The following TTBK1 variants were observed in gnomAD, a reference collection of about 807,000 sequenced individuals.
TTBK1 encodes the protein tau-tubulin kinase 1.
A neutral mutation model predicts 108.5 loss-of-function variants in TTBK1; 34 were observed. The ratio of observed to expected loss-of-function variants is 0.31; its 90% CI spans 0.24 to 0.42. TTBK1 has a LOEUF of 0.42. Ranked by LOEUF, TTBK1 falls within the 10% of genes least tolerant of loss-of-function variation. The pLI is 1.00. For synonymous variants in TTBK1, 809 were observed against 795.1 expected, an observed-to-expected ratio of 1.02 and a Z score of -0.29; for missense variants, 1,539 against 1,826.0, an observed-to-expected ratio of 0.84 and a Z score of 2.86.
In TTBK1 at chr6:43,254,544, C is replaced by G; in HGVS notation, c.472-3C>G. The G allele has an allele frequency of 1.3e-6, 2 of 1,569,626 alleles. No individual in the cohort carries two copies. The highest frequency in any genetic ancestry group is 1.7e-6 in the Non-Finnish European group (2 of 1,161,176). On this transcript the variant is annotated splice_polypyrimidine_tract_variant and splice_region_variant and intron_variant, in intron 5 of 14. Transcript: ENST00000259750. ...CAGAGCTCACAGCTGCTGTCTCCCC[C>G]AGTCAAACTTTGCCATGGGCAGGCT...
rs1778381621 is a variant in TTBK1, at chr6:43,286,315, C to G, written c.*939C>G. The G allele has an allele frequency of 6.5e-6, 1 of 152,696 alleles. No individual in the cohort carries two copies. The highest frequency in any genetic ancestry group is 1.5e-5 in the Non-Finnish European group (1 of 68,088). 9.5% of individuals were successfully genotyped at this position (152,696 alleles called of 1,614,324 possible). ...TCAGGACCCTTCACCATCAGGAATT[C>G]CTTCCTGTCATCTAACCTCAGTCCT... is the stretch of plus-strand genomic sequence containing the variant. On this transcript the variant is annotated 3_prime_UTR_variant, in exon 15 of 15. Transcript: ENST00000259750. The surrounding 1 kb of genome is among the most constrained non-coding windows in gnomAD (Gnocchi z 4.6).
rs1281049642 is a variant in TTBK1 at position 43,243,579 on chromosome 6, C to G, written c.-184C>G. The G allele has an allele frequency of 6.6e-6, 1 of 152,496 alleles. No homozygotes were observed. Among genetic ancestry groups the G allele is most frequent in the Non-Finnish European group, 1.5e-5 (1 of 67,882 alleles). 9.4% of individuals were successfully genotyped at this position (152,496 alleles called of 1,614,324 possible). A position where few individuals can be genotyped will look rare whatever the true frequency, so the allele number is the denominator to read the frequency against. ...ATGATCCGGGTCGGAAGGCCGCCGC[C>G]GCCGGAGGGAGCGGGTCACCCAACG... is the stretch of plus-strand genomic sequence containing the variant. On this transcript the variant is annotated 5_prime_UTR_variant, in exon 1 of 15. Coordinates refer to ENST00000259750, the MANE Select transcript of TTBK1 (RefSeq NM_032538.3). This position sits in a 1 kb window ranked among gnomAD's most constrained non-coding sequence, Gnocchi z 5.5.
chr6:43,271,189 A>C, intron 13 of TTBK1: 1 of 985,456 alleles, frequency 1.0e-6, no homozygotes, highest in Non-Finnish European at 1.2e-6. Context: ...CTGTATGGGG[A>C]GGGGAGGAGG....
intron 13 of TTBK1, among the ~76,000 whole-genome samples, chr6:43,279,715 T>A (rs964788709): frequency 6.6e-5 from 10 of 152,144 alleles, no homozygotes; most frequent in African/African-American, 2.4e-4. Context: ...AAAAGTAAAT[T>A]CTTCTGGACA....
In TTBK1 at chr6:43,282,443, G is replaced by A. The variant is rs1778191350; in HGVS notation, c.1987-284G>A. ...GGGGACATAGAGAGGCTGGGAGGCA[G>A]AAAGGCCACCAGGATCAGGGCCTGG... On this transcript the variant is annotated intron_variant, in intron 13 of 14. Transcript: ENST00000259750. This position sits in a 1 kb window ranked among gnomAD's most constrained non-coding sequence, Gnocchi z 5.4. Among the ~76,000 whole-genome samples, 1 of 152,248 alleles carries A rather than the reference G, an allele frequency of 6.6e-6. No individual in the cohort carries two copies. The highest frequency in any genetic ancestry group is 6.5e-5 in the Admixed American group (1 of 15,290).
Position 43,269,173 on chromosome 6 carries a change from A to C in TTBK1, c.1986+5823A>C, listed in dbSNP as rs1582503017. On this transcript the variant is annotated intron_variant, in intron 13 of 14. Coordinates refer to ENST00000259750, the MANE Select transcript of TTBK1 (RefSeq NM_032538.3). The surrounding 1 kb of genome is among the most constrained non-coding windows in gnomAD (Gnocchi z 4.8). ...TCCCTGTGATGGGGCGGGGGTGCCA[A>C]GGCGGAGGGTGTACAGGGAAAGTTT... 6.6e-6 allele frequency among the ~76,000 whole-genome samples: 1 copy of C among 152,328 alleles called. No homozygotes were observed. Among genetic ancestry groups the C allele is most frequent in the South Asian group, 2.1e-4 (1 of 4,830 alleles).
intron 13 of TTBK1, chr6:43,271,425 TGA>T (rs1260481913): frequency 3.0e-6 from 3 of 985,328 alleles, no homozygotes; most frequent in Non-Finnish European, 3.6e-6. Flanking sequence ...CAGTGCTGTA[TGA>T]GTGTGTGTAT....
chr6:43,260,997 T>C (rs2150693378), intron 12 of TTBK1, among the ~76,000 whole-genome samples: 1 of 152,072 alleles, frequency 6.6e-6, no homozygotes, highest in South Asian at 2.1e-4. Flanking sequence ...TTTGGCACCC[T>C]TTCTCCCCTT....
At position 43,259,456 on chromosome 6, in the gene TTBK1, T is replaced by C; in HGVS notation, c.1249-75T>C. ...TCTTCCATCATCATCATCCTCTGTCTCCTTCACCCTGAGGAGACCATCCGC... is the reference window on the plus strand; with the variant it reads ...TCTTCCATCATCATCATCCTCTGTCCCCTTCACCCTGAGGAGACCATCCGC... On this transcript the variant is annotated intron_variant, in intron 11 of 14. Coordinates refer to ENST00000259750, the MANE Select transcript of TTBK1 (RefSeq NM_032538.3). The surrounding 1 kb of genome is among the most constrained non-coding windows in gnomAD (Gnocchi z 6.7). The C allele has an allele frequency of 6.9e-7, 1 of 1,454,102 alleles. No homozygotes were observed. Among genetic ancestry groups the C allele is most frequent in the East Asian group, 2.3e-5 (1 of 42,614 alleles). The allele number at this position is 1,454,102 out of a possible 1,614,324, so 90.1% of individuals were successfully genotyped here.
At chr6:43,267,004 T>TGG (rs1777697531) in intron 13 of TTBK1, among the ~76,000 whole-genome samples, 2 of 35,386 alleles carry the variant, frequency 5.7e-5, no homozygotes, top group African/African-American at 5.5e-4. Flanking sequence ...CATGCGTGTG[T>TGG]GTGTGTGTGT....
chr6:43,270,045 C>G, intron 13 of TTBK1: 1 of 1,421,720 alleles, frequency 7.0e-7, no homozygotes, highest in Middle Eastern at 2.6e-4. Flanking sequence ...TAATCACACA[C>G]TCACACATCC....
In TTBK1 at chr6:43,276,029, A is replaced by G. The variant is rs1777979534; in HGVS notation, c.1987-6698A>G. Among the ~76,000 whole-genome samples the G allele has an allele frequency of 6.6e-6, 1 of 151,836 alleles. No individual in the cohort carries two copies. Among genetic ancestry groups the G allele is most frequent in the Admixed American group, 6.5e-5 (1 of 15,268 alleles). ...GGCCCAGCTGAGCCCCTTCCTGCGTAAGGAGACGCCTTCTAATTGCGGGGT... is the reference window on the plus strand; with the variant it reads ...GGCCCAGCTGAGCCCCTTCCTGCGTGAGGAGACGCCTTCTAATTGCGGGGT... On this transcript the variant is annotated intron_variant, in intron 13 of 14. Coordinates refer to ENST00000259750, the MANE Select transcript of TTBK1 (RefSeq NM_032538.3). The surrounding 1 kb of genome is among the most constrained non-coding windows in gnomAD (Gnocchi z 5.4).
Position 43,244,540 on chromosome 6 carries a change from C to T in TTBK1, c.-55+832C>T, listed in dbSNP as rs74983844. Reference sequence around the variant, plus strand: ...CGGCAGTAACGGGGCAGCCAAGTGTCCCATGTTTGTATCATCCAACCCAGT... The same window carrying T: ...CGGCAGTAACGGGGCAGCCAAGTGTTCCATGTTTGTATCATCCAACCCAGT... On this transcript the variant is annotated intron_variant, in intron 1 of 14. Coordinates refer to ENST00000259750, the MANE Select transcript of TTBK1 (RefSeq NM_032538.3). Among the ~76,000 whole-genome samples the T allele has an allele frequency of 7.2e-4, 109 of 152,294 alleles. 1 individual carries two copies. In the East Asian group the frequency reaches 0.018, roughly 25 times the overall value.
Position 43,285,627 on chromosome 6 carries a change from A to C in TTBK1, c.*251A>C. On this transcript the variant is annotated 3_prime_UTR_variant, in exon 15 of 15. Coordinates refer to ENST00000259750, the MANE Select transcript of TTBK1 (RefSeq NM_032538.3). This position sits in a 1 kb window ranked among gnomAD's most constrained non-coding sequence, Gnocchi z 4.7. ...CCCCTTCCTCGCCCTGTGTCCTCTC[A>C]TCCTCCCGCCGCCCGTCAGGCCGGC... 3 of 328,354 alleles carry C rather than the reference A, an allele frequency of 9.1e-6. No individual in the cohort carries two copies. Among genetic ancestry groups the C allele is most frequent in the African/African-American group, 2.2e-5 (1 of 46,060 alleles). 20.3% of individuals were successfully genotyped at this position (328,354 alleles called of 1,614,324 possible).
rs1777770580 is a variant in TTBK1, at chr6:43,269,588, C to T, written c.1986+6238C>T. 1.3e-6 allele frequency: 2 copies of T among 1,528,578 alleles called. No homozygotes were observed. The highest frequency in any genetic ancestry group is 8.8e-7 in the Non-Finnish European group (1 of 1,133,564). 94.7% of individuals were successfully genotyped at this position (1,528,578 alleles called of 1,614,324 possible). The stretch of plus-strand genomic sequence containing the variant: ...GCGGTGGGTGGCCCCGGAGACGGAG[C>T]TGTCGAGTCTGTGCCTGACACCTCT... On this transcript the variant is annotated intron_variant, in intron 13 of 14. Coordinates refer to ENST00000259750, the MANE Select transcript of TTBK1 (RefSeq NM_032538.3). The surrounding 1 kb of genome is among the most constrained non-coding windows in gnomAD (Gnocchi z 4.8).
Position 43,285,279 on chromosome 6 carries a change from G to A in TTBK1, c.3869G>A (p.Gly1290Glu). ...CAGCCTGATGGCACCCCCTCCCCCG[G>A]GGGCTCCAAGAAAGGACCCAGAGGG... Reference protein sequence around the residue: ...RAQPDGTPSPGGSKKGPRGKL... With the variant: ...RAQPDGTPSPEGSKKGPRGKL... The change falls in exon 15 of 15, where the codon GGG becomes GAG. Residue 1290 changes from glycine (G) to glutamate (E), a missense_variant. Gly to Glu is a moderately conservative substitution (Grantham distance 98, BLOSUM62 -2). Coordinates refer to ENST00000259750, the MANE Select transcript of TTBK1 (RefSeq NM_032538.3). This position sits in a 1 kb window ranked among gnomAD's most constrained non-coding sequence, Gnocchi z 4.7. 3 of 1,292,344 alleles carry A rather than the reference G, an allele frequency of 2.3e-6. No individual in the cohort carries two copies. The highest frequency in any genetic ancestry group is 1.5e-5 in the African/African-American group (1 of 64,706). The allele number at this position is 1,292,344 out of a possible 1,614,324, so 80.1% of individuals were successfully genotyped here.
At chr6:43,262,123 G>A (rs1029517395) in intron 12 of TTBK1, among the ~76,000 whole-genome samples, 2 of 152,192 alleles carry the variant, frequency 1.3e-5, no homozygotes, top group African/African-American at 2.4e-5. Flanking sequence ...GGGGTGGGCC[G>A]TAAGGGTGGA....
At chr6:43,254,249 C>A (rs1370594595) in intron 5 of TTBK1, among the ~76,000 whole-genome samples, 1 of 152,186 alleles carries the variant, frequency 6.6e-6, no homozygotes, top group African/African-American at 2.4e-5. Context: ...CTGGGGAGTC[C>A]CAAAAATGTG....
chr6:43,282,949 G>A lies in TTBK1; in HGVS notation c.2209G>A (p.Glu737Lys). 2 of 1,608,480 alleles carry A rather than the reference G, an allele frequency of 1.2e-6. No homozygotes were observed. Among genetic ancestry groups the A allele is most frequent in the South Asian group, 1.1e-5 (1 of 90,554 alleles). ...PQANGKEEEE[E>K]EEEDEEEEEE... ...GGCTAATGGGAAGGAGGAAGAGGAG[G>A]AGGAGGAGGAAGATGAGGAAGAGGA... Residue 737 changes from glutamate (E) to lysine (K), a missense_variant, in exon 14 of 15, where the codon GAG becomes AAG. Coordinates refer to ENST00000259750, the MANE Select transcript of TTBK1 (RefSeq NM_032538.3). The surrounding 1 kb of genome is among the most constrained non-coding windows in gnomAD (Gnocchi z 5.4).
Sources: allele counts gnomAD v4.1 joint callset (sites outside exome capture counted in the v4.1 genomes callset), GRCh38; gene constraint gnomAD v4.1.1; non-coding constraint Gnocchi (gnomAD v3.1); transcripts MANE v1.5; gene names NCBI Gene and HGNC (gene_info 2026-07-23, HGNC 2026-07-21).